The following GLIS3 variants were observed in gnomAD, a reference collection of about 807,000 sequenced individuals.
The protein encoded by GLIS3 is GLIS family zinc finger 3, also known as zinc finger protein GLIS3.
Under a neutral mutation model 78.6 loss-of-function variants are expected in GLIS3, and 53 were observed. That is an observed-to-expected ratio of 0.67 (90% CI 0.54 to 0.85). The LOEUF is 0.85. Ranked by LOEUF, GLIS3 falls within the 40% of genes least tolerant of loss-of-function variation. The probability of loss-of-function intolerance (pLI) is 0.00; values close to 1 mark genes in which losing one functional copy is unlikely to be tolerated. For missense variants in GLIS3, 1,703 were observed against 1,231.1 expected (o/e 1.38, Z -5.74); for synonymous variants, 684 against 509.9 (o/e 1.34, Z -4.60).
chr9:4,098,892 T>G (rs953923767), intron 4 of GLIS3, among the ~76,000 whole-genome samples: 1 of 152,142 alleles, frequency 6.6e-6, no homozygotes, highest in Non-Finnish European at 1.5e-5. Flanking sequence ...TAGGAGATAC[T>G]CACATCCAGG....
intron 2 of GLIS3, among the ~76,000 whole-genome samples, chr9:4,134,052 A>T (rs1833204164): frequency 6.6e-6 from 1 of 152,252 alleles, no homozygotes; most frequent in South Asian, 2.1e-4. Context: ...AATACAACAG[A>T]AAATAAGTAA....
intron 4 of GLIS3, 114 bp from the exon 5 acceptor site, chr9:3,937,303 A>C: frequency 9.6e-7 from 1 of 1,038,084 alleles, no homozygotes; most frequent in Non-Finnish European, 1.4e-6. Flanking sequence ...TGATAAAATA[A>C]AATCAAATCC....
At chr9:3,982,065 G>A (rs1053899252) in intron 4 of GLIS3, among the ~76,000 whole-genome samples, 12 of 152,116 alleles carry the variant, frequency 7.9e-5, no homozygotes, top group African/African-American at 2.9e-4. Flanking sequence ...TTTAAAGAAT[G>A]GCACATTTTA....
At chr9:4,190,877 T>C (rs1334593534) in intron 2 of GLIS3, among the ~76,000 whole-genome samples, 1 of 152,170 alleles carries the variant, frequency 6.6e-6, no homozygotes, top group Non-Finnish European at 1.5e-5. Flanking sequence ...GGGGCCAATA[T>C]GCAACATTCT....
chr9:4,489,104 T>C, the GLIS3 span, among the ~76,000 whole-genome samples: 2 of 152,284 alleles, frequency 1.3e-5, no homozygotes, highest in East Asian at 3.9e-4. Context: ...CCTGACCTCG[T>C]GATCCGCTCG....
At chr9:3,833,604 G>T (rs189832881) in intron 9 of GLIS3, among the ~76,000 whole-genome samples, 26 of 152,306 alleles carry the variant, frequency 1.7e-4, no homozygotes, top group Non-Finnish European at 2.2e-4. Flanking sequence ...GCTGGTTAGG[G>T]TGCTATTGCT....
chr9:3,880,487 G>T (rs1821651503), intron 7 of GLIS3, among the ~76,000 whole-genome samples: 1 of 152,158 alleles, frequency 6.6e-6, no homozygotes, highest in African/African-American at 2.4e-5. Context: ...GCAGCATTAG[G>T]CTGATTCTCT....
intron 1 of GLIS3, among the ~76,000 whole-genome samples, chr9:4,292,656 T>G (rs1332240872): frequency 1.3e-5 from 2 of 152,230 alleles, no homozygotes; most frequent in African/African-American, 2.4e-5. Context: ...AAGTATCAAT[T>G]GATCAATTGT....
At chr9:4,098,500 G>C (rs1041863788) in intron 4 of GLIS3, among the ~76,000 whole-genome samples, 1 of 152,298 alleles carries the variant, frequency 6.6e-6, no homozygotes, top group Admixed American at 6.5e-5. Flanking sequence ...CAACCCATAG[G>C]TTTGGCAGCA....
At chr9:3,852,712 G>T (rs949248599) in intron 9 of GLIS3, among the ~76,000 whole-genome samples, 1 of 151,968 alleles carries the variant, frequency 6.6e-6, no homozygotes, top group Non-Finnish European at 1.5e-5. Context: ...GCTACATCTG[G>T]ATACCTACCA....
chr9:4,298,944 C>T (rs371584021), intron 1 of GLIS3, among the ~76,000 whole-genome samples: 1 of 152,174 alleles, frequency 6.6e-6, no homozygotes. Flanking sequence ...TACAGCCCCG[C>T]GTGTGCGCGA....
At chr9:4,240,693 C>A (rs1443559469) in intron 2 of GLIS3, among the ~76,000 whole-genome samples, 1 of 152,090 alleles carries the variant, frequency 6.6e-6, no homozygotes, top group Non-Finnish European at 1.5e-5. Flanking sequence ...AATGAGACAA[C>A]TATGTAACAT....
At chr9:3,839,230 C>G (rs974393082) in intron 9 of GLIS3, among the ~76,000 whole-genome samples, 4 of 152,240 alleles carry the variant, frequency 2.6e-5, no homozygotes, top group Middle Eastern at 3.4e-3. Context: ...GATATCATGT[C>G]AATAAAAGTG....
chr9:4,148,321 A>T (rs1340954582), intron 2 of GLIS3, among the ~76,000 whole-genome samples: 1 of 151,880 alleles, frequency 6.6e-6, no homozygotes, highest in Non-Finnish European at 1.5e-5. Flanking sequence ...TTTCAGACAT[A>T]CTCCACTCCA....
At chr9:4,257,966 T>C (rs779783847) in intron 2 of GLIS3, among the ~76,000 whole-genome samples, 14 of 152,140 alleles carry the variant, frequency 9.2e-5, no homozygotes, top group Non-Finnish European at 1.9e-4. Flanking sequence ...AATTTGAAGA[T>C]TTTTAATTAA....
chr9:4,377,935 TTAAA>T, the GLIS3 span, among the ~76,000 whole-genome samples: 1 of 152,110 alleles, frequency 6.6e-6, no homozygotes, highest in African/African-American at 2.4e-5. Context: ...GCAACCAATA[TTAAA>T]TATTCAAAAA....
intron 4 of GLIS3, among the ~76,000 whole-genome samples, chr9:4,003,251 C>T (rs1005193009): frequency 2.6e-5 from 4 of 152,006 alleles, no homozygotes; most frequent in African/African-American, 7.3e-5. Flanking sequence ...TCTCTGGTAG[C>T]CCCCATTATA....
At chr9:4,006,043 C>A (rs1169603998) in intron 4 of GLIS3, among the ~76,000 whole-genome samples, 1 of 152,152 alleles carries the variant, frequency 6.6e-6, no homozygotes, top group Non-Finnish European at 1.5e-5. Flanking sequence ...CCTGCTGTTT[C>A]ACTCTGAAAT....
the GLIS3 span, among the ~76,000 whole-genome samples, chr9:4,391,074 C>G: frequency 5.9e-5 from 9 of 152,164 alleles, no homozygotes. Flanking sequence ...CTCTCCCTTT[C>G]TATCTCTGCC....
Sources: allele counts gnomAD v4.1 joint callset (sites outside exome capture counted in the v4.1 genomes callset), GRCh38; gene constraint gnomAD v4.1.1; transcripts MANE v1.5; gene names NCBI Gene and HGNC (gene_info 2026-07-23, HGNC 2026-07-21).